WDR62: variants seen among roughly 807,000 people sequenced by gnomAD.
WDR62 encodes WD repeat domain 62.
In WDR62, 112 loss-of-function variants were observed where a neutral mutation model predicts 160.6. That is an observed-to-expected ratio of 0.70 (90% CI 0.60 to 0.82). WDR62 has a LOEUF of 0.82. Among genes scored for constraint, WDR62 ranks in the 40% least tolerant of loss-of-function variants. The pLI, the probability that WDR62 is intolerant of heterozygous loss-of-function variation, is 0.00. For synonymous variants in WDR62, 792 were observed against 815.1 expected, an observed-to-expected ratio of 0.97 and a Z score of 0.48; for missense variants, 1,819 against 1,983.8, an observed-to-expected ratio of 0.92 and a Z score of 1.58.
At position 36,102,084 on chromosome 19, in the gene WDR62, C is replaced by G. The variant is rs765414615; in HGVS notation, c.3153C>G (p.Pro1051=). 1.2e-6 allele frequency: 2 copies of G among 1,614,178 alleles called. No homozygotes were observed. Among genetic ancestry groups the G allele is most frequent in the Non-Finnish European group, 1.7e-6 (2 of 1,180,034 alleles). ...EGPSVPSSSL[P]QTPEQEKFLR... ...CCAGCGTCCCCAGCAGCTCCCTACC[C>G]CAGACTCCGGAGCAGGAGAAGTTCC... The change falls in exon 26 of 32, where the codon CCC becomes CCG. Residue 1051 remains proline (P), a synonymous_variant. Coordinates refer to ENST00000401500, the MANE Select transcript of WDR62 (RefSeq NM_001083961.2).
At chr19:36,098,018 G>A (rs1973080175) in intron 21 of WDR62, among the ~76,000 whole-genome samples, 1 of 152,214 alleles carries the variant, frequency 6.6e-6, no homozygotes, top group African/African-American at 2.4e-5. Flanking sequence ...TGGGACGAAT[G>A]TTCTAGTCAT....
chr19:36,073,283 G>C, intron 8 of WDR62, 59 bp from the exon 9 acceptor site: 1 of 1,528,152 alleles, frequency 6.5e-7, no homozygotes, highest in African/African-American at 1.4e-5. Context: ...TGTCACTAGA[G>C]GTGGCTGTCA....
At chr19:36,059,937 A>G in intron 2 of WDR62, 31 bp from the exon 3 acceptor site, 1 of 1,613,342 alleles carries the variant, frequency 6.2e-7, no homozygotes, top group South Asian at 1.1e-5. Context: ...CACTCCCCAC[A>G]GTTGAGGCAC....
chr19:36,104,662 A>G lies in WDR62; in HGVS notation c.4298A>G (p.Asp1433Gly), dbSNP rs372350375. 2 of 1,613,894 alleles carry G rather than the reference A, an allele frequency of 1.2e-6. No homozygotes were observed. Among genetic ancestry groups the G allele is most frequent in the Non-Finnish European group, 1.7e-6 (2 of 1,180,022 alleles). The change falls in exon 31 of 32, where the codon GAC becomes GGC. Residue 1433 changes from aspartate (D) to glycine (G), a missense_variant. Physicochemically the swap from Asp to Gly is moderately conservative, Grantham distance 94. This residue lies in a region of WDR62 where 770 missense variants were observed against 734.2 expected (regional missense o/e 1.05). Transcript: ENST00000401500. ...CAGACCACCTTCCAAGAAGCCCTCG[A>G]CCTTTACCGTGTGGTGAGCTAAGCC... ...RLQTTFQEAL[D>G]LYRVLVSSGQ...
rs762400798 is a variant in WDR62, at chr19:36,084,721, T to C, written c.1619T>C (p.Leu540Pro). Residue 540 changes from leucine to proline, a missense_variant, in exon 12 of 32, where the codon CTG (leucine) becomes CCG (proline). By Grantham distance (98) the Leu-to-Pro change is moderately conservative (BLOSUM62 -3). Around this residue, in one of 3 missense-constraint regions of WDR62, gnomAD observed 934 missense variants for 1,157.2 expected, o/e 0.81. Coordinates refer to ENST00000401500, the MANE Select transcript of WDR62 (RefSeq NM_001083961.2). ...VEAHDAEVLC[L>P]EYSKPETGLT... ...GCCCATGATGCTGAGGTGCTGTGCC[T>C]GGAGTACTCCAAGCCAGAGACGGGT... The C allele has an allele frequency of 6.2e-7, 1 of 1,613,440 alleles. No individual in the cohort carries two copies. Among genetic ancestry groups the C allele is most frequent in the Non-Finnish European group, 8.5e-7 (1 of 1,179,920 alleles).
At chr19:36,056,812 CTT>C (rs1005571081) in intron 1 of WDR62, among the ~76,000 whole-genome samples, 35 of 139,790 alleles carry the variant, frequency 2.5e-4, no homozygotes, top group East Asian at 2.1e-4. Flanking sequence ...TTTTTCTTTT[CTT>C]TTTTTTTTTT....
At chr19:36,092,895 C>T (rs911307607) in intron 19 of WDR62, 84 bp downstream of exon 19, 1 of 1,603,186 alleles carries the variant, frequency 6.2e-7, no homozygotes, top group Non-Finnish European at 8.5e-7. Context: ...CAGTGGTGGC[C>T]AAGACAGCCC....
At chr19:36,098,885 A>G (rs1973140732) in intron 21 of WDR62, among the ~76,000 whole-genome samples, 1 of 152,188 alleles carries the variant, frequency 6.6e-6, no homozygotes, top group Non-Finnish European at 1.5e-5. Context: ...CAAGGGTTTG[A>G]GACCAGCCTG....
intron 13 of WDR62, 22 bp downstream of exon 13, chr19:36,086,834 C>T (rs1972266459): frequency 6.2e-7 from 1 of 1,606,432 alleles, no homozygotes; most frequent in Non-Finnish European, 8.5e-7. Flanking sequence ...TCTTCCCGCT[C>T]CCTGCGCCTT....
chr19:36,104,065 C>G, intron 30 of WDR62, 84 bp downstream of exon 30: 2 of 1,533,058 alleles, frequency 1.3e-6, no homozygotes, highest in South Asian at 2.2e-5. Flanking sequence ...GATACTTGAC[C>G]TGGCCACAGG....
At chr19:36,103,296 C>T in intron 29 of WDR62, 47 bp from the exon 30 acceptor site, 1 of 1,612,622 alleles carries the variant, frequency 6.2e-7, no homozygotes, top group Non-Finnish European at 8.5e-7. Flanking sequence ...GGGGCCCTAG[C>T]CATCAGTTCT....
chr19:36,102,030 A>G lies in WDR62; in HGVS notation c.3099A>G (p.Thr1033=). 2 of 1,614,130 alleles carry G rather than the reference A, an allele frequency of 1.2e-6. No homozygotes were observed. Among genetic ancestry groups the G allele is most frequent in the Non-Finnish European group, 1.7e-6 (2 of 1,180,020 alleles). ...LPHFPGCAGP[T]EDELSLPEGP... ...CCCTGTCAGGATGCGCAGGTCCCAC[A>G]GAAGATGAGCTGTCCCTGCCCGAGG... The change falls in exon 26 of 32, where the codon ACA becomes ACG. Residue 1033 remains threonine (T), a synonymous_variant. Transcript: ENST00000401500.
rs771521886 is a variant in WDR62 at position 36,086,763 on chromosome 19, G to A, written c.1719G>A (p.Glu573=). ...VLNVEKNYNL[E]QTLDDHSSSI... is the part of the protein sequence containing the mutation. The stretch of plus-strand genomic sequence containing the variant: ...ACGTGGAGAAGAACTACAACCTGGA[G>A]CAGACGCTGGATGACCACTCCTCCT... The change falls in exon 13 of 32, where the codon GAG becomes GAA. Residue 573 remains glutamate (E), a synonymous_variant. Transcript: ENST00000401500. 10 of 1,608,794 alleles carry A rather than the reference G, an allele frequency of 6.2e-6. No individual in the cohort carries two copies. Among genetic ancestry groups the A allele is most frequent in the Non-Finnish European group, 8.5e-6 (10 of 1,177,256 alleles).
chr19:36,065,465 T>C (rs570006537), intron 3 of WDR62, among the ~76,000 whole-genome samples: 2 of 152,326 alleles, frequency 1.3e-5, no homozygotes, highest in Admixed American at 6.5e-5. Flanking sequence ...GCAGGCTAGC[T>C]AGGAGTATCA....
At chr19:36,087,758 G>A (rs1166660488) in intron 13 of WDR62, among the ~76,000 whole-genome samples, 2 of 152,160 alleles carry the variant, frequency 1.3e-5, no homozygotes, top group East Asian at 1.9e-4. Flanking sequence ...GGCCAAGGTT[G>A]CAGTGAGCCA....
chr19:36,076,795 A>G (rs1260405088), intron 9 of WDR62, among the ~76,000 whole-genome samples: 2 of 152,150 alleles, frequency 1.3e-5, no homozygotes, highest in African/African-American at 2.4e-5. Flanking sequence ...TTCAATTCTG[A>G]AGATAGTTAA....
chr19:36,058,808 C>T lies in WDR62; in HGVS notation c.206C>T (p.Thr69Ile), dbSNP rs1970495728. The T allele has an allele frequency of 6.8e-6, 11 of 1,614,214 alleles. No homozygotes were observed. The highest frequency in any genetic ancestry group is 9.3e-6 in the Non-Finnish European group (11 of 1,180,020). ...RVSLEKVLGI[T>I]AQNSSGLTCD... ...TCACTCGAGAAGGTGCTTGGCATCA[C>T]AGCCCAGAACAGCAGTGGCCTAACC... Residue 69 changes from threonine to isoleucine, a missense_variant, in exon 2 of 32, where the codon ACA becomes ATA. Coordinates refer to ENST00000401500, the MANE Select transcript of WDR62 (RefSeq NM_001083961.2).
chr19:36,067,529 T>A, intron 6 of WDR62, 86 bp downstream of exon 6: 2 of 1,592,412 alleles, frequency 1.3e-6, no homozygotes, highest in South Asian at 1.1e-5. Context: ...CCCTGAGATT[T>A]GAGGGCAGCG....
At chr19:36,092,332 G>T (rs7250473) in intron 18 of WDR62, among the ~76,000 whole-genome samples, 11,835 of 150,972 alleles carry the variant, frequency 0.078, 700 homozygotes, top group Admixed American at 0.19. Flanking sequence ...AAAGAAAATT[G>T]TATGGTGAGA....
Sources: allele counts gnomAD v4.1 joint callset (sites outside exome capture counted in the v4.1 genomes callset), GRCh38; gene constraint gnomAD v4.1.1; regional missense constraint gnomAD v4.1.1; transcripts MANE v1.5; gene names NCBI Gene and HGNC (gene_info 2026-07-23, HGNC 2026-07-21).